The following MIDN variants were observed in gnomAD, a reference collection of about 807,000 sequenced individuals.
MIDN encodes midbrain nucleolar protein.
A neutral mutation model predicts 46.1 loss-of-function variants in MIDN; 26 were observed. The observed-to-expected ratio is 0.56, with a 90% CI of 0.41 to 0.78. The LOEUF (loss-of-function observed/expected upper bound fraction) is 0.78. MIDN is among the 30% of genes least tolerant of loss of function. MIDN has a pLI of 0.00. For synonymous variants in MIDN, 432 were observed against 343.3 expected (o/e 1.26, Z -2.86); for missense variants, 850 against 771.8 (o/e 1.10, Z -1.20).
At position 1,255,012 on chromosome 19, in the gene MIDN, C is replaced by A. The variant is rs762023310; in HGVS notation, c.936C>A (p.Ile312=). 8 of 1,613,252 alleles carry A rather than the reference C, an allele frequency of 5.0e-6. No individual in the cohort carries two copies. The South Asian group carries it at 8.8e-5, about 18-fold the overall frequency. The change falls in exon 7 of 9, where the codon ATC becomes ATA. Residue 312 remains isoleucine (I), a synonymous_variant. Transcript: ENST00000682408. ...GCTCCCGAAAACCCGGCGCCGTCATCGAGAGCTTTGTGAATCACGCCCCGG... is the reference window on the plus strand; with the variant it reads ...GCTCCCGAAAACCCGGCGCCGTCATAGAGAGCTTTGTGAATCACGCCCCGG... ...APRSRKPGAV[I]ESFVNHAPGV...
intron 8 of MIDN, among the ~76,000 whole-genome samples, chr19:1,256,549 GC>G (rs2081201681): frequency 6.6e-6 from 1 of 150,940 alleles, no homozygotes; most frequent in Admixed American, 6.6e-5. Flanking sequence ...AAGCGGCCAA[GC>G]CCCCTCCATG....
intron 4 of MIDN, among the ~76,000 whole-genome samples, chr19:1,252,972 G>A (rs1364617558): frequency 7.1e-6 from 1 of 141,834 alleles, no homozygotes; most frequent in Admixed American, 7.4e-5. Flanking sequence ...TTGGCAGGGG[G>A]CCCAGGGCGT....
intron 8 of MIDN, among the ~76,000 whole-genome samples, chr19:1,256,782 T>C (rs537376302): frequency 5.3e-5 from 8 of 152,286 alleles, no homozygotes; most frequent in Admixed American, 4.6e-4. Flanking sequence ...GCTCAAGCGA[T>C]TCTCCTGCCT....
chr19:1,256,351 T>C (rs577260182), intron 8 of MIDN, among the ~76,000 whole-genome samples: 24 of 151,882 alleles, frequency 1.6e-4, no homozygotes, highest in South Asian at 6.2e-4. Context: ...GGCGTGGTGG[T>C]GGGCGCCTGT....
At chr19:1,256,370 C>T (rs1274527600) in intron 8 of MIDN, among the ~76,000 whole-genome samples, 2 of 151,790 alleles carry the variant, frequency 1.3e-5, no homozygotes, top group African/African-American at 4.8e-5. Flanking sequence ...GTAGTCCCAG[C>T]TACTCGGGAG....
rs1349617984 is a variant in MIDN, at chr19:1,250,171, G to A, written c.-126G>A. 8.7e-6 allele frequency: 2 copies of A among 230,200 alleles called. No individual in the cohort carries two copies. The highest frequency in any genetic ancestry group is 1.4e-5 in the Non-Finnish European group (2 of 139,640). 14.3% of individuals were successfully genotyped at this position (230,200 alleles called of 1,614,324 possible). ...CGGCCGGGACTTTCTCGAGGAGGAC[G>A]CGCGCTGCTCCGCGCCCCCGAGTGC... is the stretch of plus-strand genomic sequence containing the variant. On this transcript the variant is annotated 5_prime_UTR_variant, in exon 2 of 9. Coordinates refer to ENST00000682408, the MANE Select transcript of MIDN (RefSeq NM_001388306.1).
intron 8 of MIDN, among the ~76,000 whole-genome samples, chr19:1,256,549 G>A (rs1045066954): frequency 1.3e-5 from 2 of 150,940 alleles, no homozygotes; most frequent in Admixed American, 6.6e-5. Flanking sequence ...AAGCGGCCAA[G>A]CCCCCTCCAT....
At chr19:1,251,685 C>CCCG in intron 3 of MIDN, 36 bp downstream of exon 3, 2 of 1,584,598 alleles carry the variant, frequency 1.3e-6, no homozygotes, top group Non-Finnish European at 1.7e-6. Context: ...CCCAGAGGCC[C>CCCG]CCGCACACAG....
In MIDN at chr19:1,257,355, C is replaced by G; in HGVS notation, c.*83C>G. ...CGAGAGCCCCGGAGAGAACGTGGCC[C>G]AGCCCTGGAGGGCAGGCGGCCACTC... On this transcript the variant is annotated 3_prime_UTR_variant, in exon 9 of 9. Coordinates refer to ENST00000682408, the MANE Select transcript of MIDN (RefSeq NM_001388306.1). 2 of 1,236,664 alleles carry G rather than the reference C, an allele frequency of 1.6e-6. No homozygotes were observed. Among genetic ancestry groups the G allele is most frequent in the Non-Finnish European group, 1.2e-6 (1 of 862,064 alleles). The allele number at this position is 1,236,664 out of a possible 1,614,324, so 76.6% of individuals were successfully genotyped here.
At chr19:1,256,402 G>T (rs2081199485) in intron 8 of MIDN, among the ~76,000 whole-genome samples, 1 of 149,942 alleles carries the variant, frequency 6.7e-6, no homozygotes, top group Non-Finnish European at 1.5e-5. Flanking sequence ...AGAATGGCGT[G>T]AACCCAGAGG....
chr19:1,256,494 A>C (rs2081200897), intron 8 of MIDN, among the ~76,000 whole-genome samples: 1 of 151,606 alleles, frequency 6.6e-6, no homozygotes, highest in Non-Finnish European at 1.5e-5. Flanking sequence ...AAAAAAAAAA[A>C]AAAAACCAAG....
chr19:1,252,025 C>T, intron 4 of MIDN, 124 bp downstream of exon 4: 1 of 795,528 alleles, frequency 1.3e-6, no homozygotes, highest in Middle Eastern at 2.4e-4. Context: ...ACGCGCCACC[C>T]CGCCTGGGTG....
rs769687325 is a variant in MIDN at position 1,254,478 on chromosome 19, G to T, written c.825G>T (p.Glu275Asp). The T allele has an allele frequency of 2.6e-5, 41 of 1,549,874 alleles. 1 individual carries two copies. The South Asian group carries it at 4.8e-4, about 18-fold the overall frequency. ...RSHAASTTCP[E>D]QMDCSPTASS... ...ACGCAGCCTCCACCACCTGCCCGGA[G>T]GTGAGCCTGGGGAAGGGAAGGGTGA... Residue 275 changes from glutamate to aspartate, a missense_variant and splice_region_variant, in exon 6 of 9, where the codon GAG becomes GAT. Transcript: ENST00000682408.
rs1321856518 is a variant in MIDN, at chr19:1,258,204, A to AT, written c.*933dup. 2 of 152,598 alleles carry AT rather than the reference A, an allele frequency of 1.3e-5. No individual in the cohort carries two copies. Among genetic ancestry groups the AT allele is most frequent in the African/African-American group, 4.8e-5 (2 of 41,450 alleles). 9.5% of individuals were successfully genotyped at this position (152,598 alleles called of 1,614,324 possible). On this transcript the variant is annotated 3_prime_UTR_variant, in exon 9 of 9. Transcript: ENST00000682408. ...GGGAACTCTTGAAAAAGGGGAGAGA[A>AT]TGGCTGGGTGCTGGGGAGTTCCCCC...
rs1599996408 is a variant in MIDN, at chr19:1,258,224, T to A, written c.*952T>A. On this transcript the variant is annotated 3_prime_UTR_variant, in exon 9 of 9. Coordinates refer to ENST00000682408, the MANE Select transcript of MIDN (RefSeq NM_001388306.1). Reference sequence around the variant, plus strand: ...AGAGAATGGCTGGGTGCTGGGGAGTTCCCCCCTCCGAGCCCTCCTTCCCGG... The same window carrying A: ...AGAGAATGGCTGGGTGCTGGGGAGTACCCCCCTCCGAGCCCTCCTTCCCGG... 1 of 152,482 alleles carries A rather than the reference T, an allele frequency of 6.6e-6. No homozygotes were observed. The highest frequency in any genetic ancestry group is 2.4e-5 in the African/African-American group (1 of 41,424). The allele number at this position is 152,482 out of a possible 1,614,324, so 9.4% of individuals were successfully genotyped here. A position where few individuals can be genotyped will look rare whatever the true frequency, so the allele number is the denominator to read the frequency against.
chr19:1,255,687 G>A lies in MIDN; in HGVS notation c.1251G>A (p.Lys417=). The A allele has an allele frequency of 6.4e-7, 1 of 1,574,154 alleles. No individual in the cohort carries two copies. Among genetic ancestry groups the A allele is most frequent in the South Asian group, 1.1e-5 (1 of 87,996 alleles). The stretch of plus-strand genomic sequence containing the variant: ...GCCAGAGCCAGATCCGCATGTGCAA[G>A]CCCCCGGGTGAGTGGCCACCCTCGG... ...LQGQSQIRMC[K]PPGDRLRQTE... Residue 417 remains lysine (K), a synonymous_variant, in exon 8 of 9, where the codon AAG becomes AAA. Coordinates refer to ENST00000682408, the MANE Select transcript of MIDN (RefSeq NM_001388306.1).
intron 2 of MIDN, among the ~76,000 whole-genome samples, 183 bp downstream of exon 2, chr19:1,250,712 C>G (rs1214763332): frequency 1.3e-5 from 2 of 151,138 alleles, no homozygotes; most frequent in African/African-American, 4.8e-5. Flanking sequence ...CCGGGGTCGC[C>G]GCACAAAGGC....
Position 1,250,465 on chromosome 19 carries a change from C to G in MIDN, c.169C>G (p.Arg57Gly). Residue 57 changes from arginine (R) to glycine (G), a missense_variant, in exon 2 of 9, where the codon CGC becomes GGC. Physicochemically the swap from Arg to Gly is moderately radical, Grantham distance 125 (BLOSUM62 -2). Coordinates refer to ENST00000682408, the MANE Select transcript of MIDN (RefSeq NM_001388306.1). ...GCCCGACGAGACGGTGGAGGGGCTG[C>G]GCAAGCGGTTGTCCCAGCGCCTCAA... Reference protein sequence around the residue: ...VPPDETVEGLRKRLSQRLKVP... With the variant: ...VPPDETVEGLGKRLSQRLKVP... The G allele has an allele frequency of 7.2e-7, 1 of 1,384,862 alleles. No homozygotes were observed. The allele number at this position is 1,384,862 out of a possible 1,614,324, so 85.8% of individuals were successfully genotyped here. A position where few individuals can be genotyped will look rare whatever the true frequency, so the allele number is the denominator to read the frequency against.
chr19:1,250,391 G>T lies in MIDN; in HGVS notation c.95G>T (p.Ser32Ile). The T allele has an allele frequency of 7.9e-7, 1 of 1,271,546 alleles. No individual in the cohort carries two copies. The highest frequency in any genetic ancestry group is 1.0e-6 in the Non-Finnish European group (1 of 990,280). 78.8% of individuals were successfully genotyped at this position (1,271,546 alleles called of 1,614,324 possible). The change falls in exon 2 of 9, where the codon AGC becomes ATC. Residue 32 changes from serine (S) to isoleucine (I), a missense_variant. Coordinates refer to ENST00000682408, the MANE Select transcript of MIDN (RefSeq NM_001388306.1). Reference sequence around the variant, plus strand: ...CCGGCGGCCGAGGCGGCGCCCATGAGCCTCGCCATCCACAGCACCACGGGC... The same window carrying T: ...CCGGCGGCCGAGGCGGCGCCCATGATCCTCGCCATCCACAGCACCACGGGC... ...LGPAAEAAPM[S>I]LAIHSTTGTR...
Sources: gnomAD v4.1 joint callset for allele counts (sites outside exome capture counted in the v4.1 genomes callset) on GRCh38, gnomAD v4.1.1 for gene constraint, MANE v1.5 for transcripts, NCBI Gene and HGNC (gene_info 2026-07-23, HGNC 2026-07-21) for gene names.